The following ICA1L variants were observed in gnomAD, a reference collection of about 807,000 sequenced individuals.
ICA1L encodes the protein islet cell autoantigen 1 like.
Under a neutral mutation model 61.3 loss-of-function variants are expected in ICA1L, and 50 were observed. That is an observed-to-expected ratio of 0.82 (90% confidence interval 0.65 to 1.03). ICA1L has a LOEUF of 1.03. Ranked by LOEUF, ICA1L falls within the 50% of genes least tolerant of loss-of-function variation. The pLI is 0.00. For synonymous variants in ICA1L, 161 were observed against 191.3 expected (o/e 0.84, Z 1.31); for missense variants, 508 against 556.7 (o/e 0.91, Z 0.88).
rs1693286121 is a variant in ICA1L at position 202,808,384 on chromosome 2, G to C, written c.910+3362C>G. ...TCCTTCCGCATGAGGAAAAAAGAGG[G>C]AAGAGTGGGAAGGATTTTGTCTTAC... is the stretch of plus-strand genomic sequence containing the variant. On this transcript the variant is annotated intron_variant, in intron 9 of 12. Coordinates refer to ENST00000358299, the MANE Select transcript of ICA1L (RefSeq NM_001288622.3). Among the ~76,000 whole-genome samples, 4 of 152,328 alleles carry C rather than the reference G, an allele frequency of 2.6e-5. No individual in the cohort carries two copies. In the South Asian group the frequency reaches 8.3e-4, roughly 32 times the overall value.
chr2:202,869,420 C>A (rs1387480440), intron 1 of ICA1L: 2 of 152,008 alleles, frequency 1.3e-5, no homozygotes, highest in Non-Finnish European at 2.9e-5. Context: ...CAAGTGCAGG[C>A]TATATGCAAT....
chr2:202,775,131 C>CT lies in ICA1L; in HGVS notation c.*4401dup, dbSNP rs1692182959. 1 of 152,200 alleles carries CT rather than the reference C, an allele frequency of 6.6e-6. No homozygotes were observed. Among genetic ancestry groups the CT allele is most frequent in the Non-Finnish European group, 1.5e-5 (1 of 68,024 alleles). The allele number at this position is 152,200 out of a possible 1,614,324, so 9.4% of individuals were successfully genotyped here. ...TTTTCTTATCTTGTCCCTTAGTTTT[C>CT]TTTGCCATGTTTAAGCACTTTACTG... On this transcript the variant is annotated 3_prime_UTR_variant, in exon 13 of 13. Transcript: ENST00000358299.
intron 1 of ICA1L, among the ~76,000 whole-genome samples, chr2:202,839,939 CAACTT>C (rs1203600714): frequency 3.9e-5 from 6 of 151,952 alleles, no homozygotes; most frequent in Admixed American, 3.9e-4. Flanking sequence ...AAGCTGATTA[CAACTT>C]AACTTTGATT....
At chr2:202,829,929 CA>C (rs536090229) in intron 1 of ICA1L, among the ~76,000 whole-genome samples, 77 of 152,208 alleles carry the variant, frequency 5.1e-4, no homozygotes, top group African/African-American at 1.8e-3. Flanking sequence ...ATCGCTATGT[CA>C]AACATCCATT....
chr2:202,824,399 C>CA (rs879570915), intron 3 of ICA1L, among the ~76,000 whole-genome samples: 119 of 138,002 alleles, frequency 8.6e-4, no homozygotes, highest in African/African-American at 2.5e-3. Flanking sequence ...GACTCCACCT[C>CA]AAAAAAAAAA....
At chr2:202,854,214 GA>G (rs1034293574) in intron 1 of ICA1L, among the ~76,000 whole-genome samples, 389 of 121,288 alleles carry the variant, frequency 3.2e-3, no homozygotes, top group Middle Eastern at 8.8e-3. Flanking sequence ...CAAATGGAAA[GA>G]AAAAAAAAAA....
intron 10 of ICA1L, among the ~76,000 whole-genome samples, chr2:202,789,836 C>G (rs1692693238): frequency 6.6e-6 from 1 of 152,190 alleles, no homozygotes; most frequent in Non-Finnish European, 1.5e-5. Context: ...CTAGACCCAA[C>G]AGACCAAACC....
In ICA1L at chr2:202,814,745, T is replaced by C; in HGVS notation, c.823A>G (p.Lys275Glu). ...AGAAAACCGCCTATTTGTTCATCTT[T>C]ATTGTCTTCACTAATCTTGCTTGGC... ...DTPSKISEDN[K>E]DEQIGGFLTE... Residue 275 changes from lysine to glutamate, a missense_variant, in exon 8 of 13, where the codon AAA becomes GAA. Transcript: ENST00000358299. 6.2e-7 allele frequency: 1 copy of C among 1,614,002 alleles called. No individual in the cohort carries two copies. The highest frequency in any genetic ancestry group is 8.5e-7 in the Non-Finnish European group (1 of 1,179,920).
chr2:202,852,228 TA>T (rs1457937565), intron 1 of ICA1L, among the ~76,000 whole-genome samples: 1 of 152,172 alleles, frequency 6.6e-6, no homozygotes, highest in Non-Finnish European at 1.5e-5. Context: ...TGTATCTTTA[TA>T]GCAGCATGAT....
intron 2 of ICA1L, 40 bp from the exon 3 acceptor site, chr2:202,825,807 TA>T: frequency 3.2e-6 from 4 of 1,265,104 alleles, no homozygotes; most frequent in Non-Finnish European, 4.4e-6. Flanking sequence ...TAAAGAACTA[TA>T]AACAAATATA....
At position 202,850,327 on chromosome 2, in the gene ICA1L, T is replaced by C. The variant is rs185829407; in HGVS notation, c.-8+21292A>G. Among the ~76,000 whole-genome samples the C allele has an allele frequency of 2.0e-5, 3 of 152,308 alleles. No individual in the cohort carries two copies. The East Asian group carries it at 5.8e-4, about 29-fold the overall frequency. ...GAAGTAGGCTTCAGAAGGTGGATAG[T>C]AACAAACTCCTCTAAGCTAAAGGAG... On this transcript the variant is annotated intron_variant, in intron 1 of 12. Coordinates refer to ENST00000358299, the MANE Select transcript of ICA1L (RefSeq NM_001288622.3).
chr2:202,835,615 T>C (rs1334262646), intron 1 of ICA1L, among the ~76,000 whole-genome samples: 2 of 151,378 alleles, frequency 1.3e-5, no homozygotes, highest in Non-Finnish European at 2.9e-5. Context: ...GGCATGATCA[T>C]GGCTCACTGT....
chr2:202,864,199 T>A (rs1315073309), intron 1 of ICA1L, among the ~76,000 whole-genome samples: 2 of 152,134 alleles, frequency 1.3e-5, no homozygotes, highest in African/African-American at 4.8e-5. Context: ...AGCATAACTT[T>A]GCCCTCTAAA....
At chr2:202,788,608 G>A (rs1045756241) in intron 11 of ICA1L, among the ~76,000 whole-genome samples, 1 of 152,042 alleles carries the variant, frequency 6.6e-6, no homozygotes, top group African/African-American at 2.4e-5. Context: ...AAAACATGGG[G>A]TCTGGTGAAG....
chr2:202,818,138 G>C (rs1051327879), intron 5 of ICA1L, among the ~76,000 whole-genome samples: 1 of 152,082 alleles, frequency 6.6e-6, no homozygotes, highest in African/African-American at 2.4e-5. Flanking sequence ...ACCATCCTTG[G>C]GTAGGGAGGC....
intron 9 of ICA1L, among the ~76,000 whole-genome samples, chr2:202,806,739 T>C (rs1489185568): frequency 6.6e-6 from 1 of 152,174 alleles, no homozygotes; most frequent in Non-Finnish European, 1.5e-5. Context: ...TTCTCAATAT[T>C]ACCTCTATCC....
chr2:202,789,254 C>T (rs979833595), intron 10 of ICA1L, among the ~76,000 whole-genome samples, 167 bp from the exon 11 acceptor site: 10 of 152,052 alleles, frequency 6.6e-5, no homozygotes, highest in African/African-American at 1.7e-4. Context: ...TCTAATTAGG[C>T]AGGATTTAGG....
chr2:202,796,770 G>T, intron 10 of ICA1L, 120 bp downstream of exon 10: 1 of 566,836 alleles, frequency 1.8e-6, no homozygotes, highest in African/African-American at 1.9e-5. Flanking sequence ...CAAAGTAGAG[G>T]CACATAGTTG....
chr2:202,858,984 A>C (rs911085803), intron 1 of ICA1L, among the ~76,000 whole-genome samples: 1 of 152,224 alleles, frequency 6.6e-6, no homozygotes, highest in African/African-American at 2.4e-5. Context: ...TATCATATAC[A>C]TCATACTTTA....
Sources: gnomAD v4.1 joint callset for allele counts (sites outside exome capture counted in the v4.1 genomes callset) on GRCh38, gnomAD v4.1.1 for gene constraint, MANE v1.5 for transcripts, NCBI Gene and HGNC (gene_info 2026-07-23, HGNC 2026-07-21) for gene names.